ZDHHC24: variants seen among roughly 807,000 people sequenced by gnomAD.
ZDHHC24 encodes zDHHC palmitoyltransferase 24, also known as probable palmitoyltransferase ZDHHC24.
In ZDHHC24, 17 loss-of-function variants were observed where a neutral mutation model predicts 23.2. That is an observed-to-expected ratio of 0.73 (90% confidence interval 0.50 to 1.10). The LOEUF (loss-of-function observed/expected upper bound fraction) is 1.10. ZDHHC24 is among the 50% of genes least tolerant of loss of function. The pLI is 0.00. For synonymous variants in ZDHHC24, 186 were observed against 194.5 expected (o/e 0.96, Z 0.36); for missense variants, 366 against 393.0 (o/e 0.93, Z 0.58).
At chr11:66,524,109 C>T (rs1172678326) in intron 4 of ZDHHC24, 3 of 587,594 alleles carry the variant, frequency 5.1e-6, no homozygotes, top group African/African-American at 1.9e-5. Flanking sequence ...GCATAACCCC[C>T]TTGCTACTAA....
chr11:66,528,316 A>G (rs781764782), intron 3 of ZDHHC24, among the ~76,000 whole-genome samples: 3 of 152,264 alleles, frequency 2.0e-5, no homozygotes, highest in Non-Finnish European at 4.4e-5. Context: ...AGAGTTACCA[A>G]GTTGCAGGAT....
In ZDHHC24 at chr11:66,539,369, C is replaced by CT; in HGVS notation, c.*159dup. The CT allele has an allele frequency of 7.4e-7, 1 of 1,357,146 alleles. No homozygotes were observed. The highest frequency in any genetic ancestry group is 3.4e-5 in the Admixed American group (1 of 29,066). The allele number at this position is 1,357,146 out of a possible 1,614,324, so 84.1% of individuals were successfully genotyped here. A position where few individuals can be genotyped will look rare whatever the true frequency, so the allele number is the denominator to read the frequency against. On this transcript the variant is annotated 3_prime_UTR_variant, in exon 3 of 3. Transcript: ENST00000310442. Reference sequence around the variant, plus strand: ...CTCTGCCTAAGTCACGGCCCAAGCCCTGGACACGTAGGAGTGTAGGCGGGC... The same window carrying CT: ...CTCTGCCTAAGTCACGGCCCAAGCCCTTGGACACGTAGGAGTGTAGGCGGGC...
downstream of ZDHHC24, among the ~76,000 whole-genome samples, chr11:66,535,490 C>G (rs980949351): frequency 6.6e-6 from 1 of 151,882 alleles, no homozygotes; most frequent in Non-Finnish European, 1.5e-5. Context: ...CAGTGCCCAG[C>G]CCCCATTAAT....
chr11:66,531,894 GACC>G (rs1856799460), downstream of ZDHHC24: 1 of 1,574,650 alleles, frequency 6.4e-7, no homozygotes, highest in East Asian at 2.4e-5. Flanking sequence ...GGCCAGCGCA[GACC>G]AGGCAAGGGG....
Position 66,545,667 on chromosome 11 carries a change from C to T in ZDHHC24, c.281+56G>A. 2.1e-6 allele frequency: 3 copies of T among 1,432,580 alleles called. No individual in the cohort carries two copies. The highest frequency in any genetic ancestry group is 5.5e-5 in the East Asian group (2 of 36,312). The allele number at this position is 1,432,580 out of a possible 1,614,324, so 88.7% of individuals were successfully genotyped here. On this transcript the variant is annotated intron_variant, in intron 1 of 2. Coordinates refer to ENST00000310442, the MANE Select transcript of ZDHHC24 (RefSeq NM_207340.3). The surrounding 1 kb of genome is among the most constrained non-coding windows in gnomAD (Gnocchi z 4.5). ...TTCTAACATCTCAGGTCTTGGGGCC[C>T]CTCCCCCCTGTCCAAGGCTCCCACT...
In ZDHHC24 at chr11:66,543,818, C is replaced by T. The variant is rs764684919; in HGVS notation, c.445G>A (p.Val149Ile). Residue 149 changes from valine (V) to isoleucine (I), a missense_variant, in exon 2 of 3, where the codon GTC becomes ATC. Physicochemically the swap from Val to Ile is conservative, Grantham distance 29 (BLOSUM62 3). Transcript: ENST00000310442. ...AGCAGCACAGAGACGTGGAGCAGGA[C>T]GCCGGCGGCATGAAGCAGCAGGCAC... ...FLCLLLHAAG[V>I]LLHVSVLLGP... is the part of the protein sequence containing the mutation. The T allele has an allele frequency of 2.0e-5, 32 of 1,613,602 alleles. 1 individual carries two copies. In the South Asian group the frequency reaches 2.5e-4, roughly 13 times the overall value.
downstream of ZDHHC24, chr11:66,531,765 G>A (rs371550398): frequency 5.6e-6 from 9 of 1,613,874 alleles, no homozygotes; most frequent in Admixed American, 3.3e-5. Flanking sequence ...CTTGTACCAC[G>A]TGGAAGGTGA....
intron 4 of ZDHHC24, chr11:66,526,001 G>A (rs1002879367): frequency 8.6e-6 from 7 of 818,572 alleles, no homozygotes; most frequent in Middle Eastern, 2.2e-4. Context: ...CAGAGGCAGC[G>A]ATTCCCCAGG....
At position 66,545,707 on chromosome 11, in the gene ZDHHC24, C is replaced by T. The variant is rs766977831; in HGVS notation, c.281+16G>A. Reference sequence around the variant, plus strand: ...AGGCTCCCACTTCTCCCCGCCCGATCCCGCACCCCACTCACGCCCAGCCCT... The same window carrying T: ...AGGCTCCCACTTCTCCCCGCCCGATTCCGCACCCCACTCACGCCCAGCCCT... On this transcript the variant is annotated intron_variant, in intron 1 of 2. Coordinates refer to ENST00000310442, the MANE Select transcript of ZDHHC24 (RefSeq NM_207340.3). The surrounding 1 kb of genome is among the most constrained non-coding windows in gnomAD (Gnocchi z 4.5). The T allele has an allele frequency of 7.9e-6, 12 of 1,518,978 alleles. No homozygotes were observed. Among genetic ancestry groups the T allele is most frequent in the South Asian group, 5.0e-5 (4 of 79,224 alleles). 94.1% of individuals were successfully genotyped at this position (1,518,978 alleles called of 1,614,324 possible).
At chr11:66,528,428 T>C (rs986653624) in intron 3 of ZDHHC24, among the ~76,000 whole-genome samples, 4 of 151,904 alleles carry the variant, frequency 2.6e-5, no homozygotes, top group Admixed American at 6.6e-5. Flanking sequence ...CCTAAGAAGA[T>C]TGGGGAAAAT....
intron 2 of ZDHHC24, among the ~76,000 whole-genome samples, chr11:66,540,427 C>CAAA (rs1184182591): frequency 9.5e-5 from 5 of 52,562 alleles, no homozygotes; most frequent in South Asian, 7.6e-4. Context: ...ACTCCCATCT[C>CAAA]AAAAAAAAAA....
intron 1 of ZDHHC24, 86 bp from the exon 2 acceptor site, chr11:66,544,067 G>C (rs560508550): frequency 6.5e-7 from 1 of 1,533,758 alleles, no homozygotes; most frequent in South Asian, 1.2e-5. Context: ...CCCATCCTGC[G>C]GAAGTGGCAA....
intron 4 of ZDHHC24, chr11:66,526,087 A>T (rs770156220): frequency 6.2e-7 from 1 of 1,608,990 alleles, no homozygotes; most frequent in Non-Finnish European, 8.5e-7. Context: ...CCTCTCCAAG[A>T]TATTTCCCCA....
rs1254650672 is a variant in ZDHHC24, at chr11:66,536,911, G to C, written c.*2618C>G. 3 of 151,938 alleles carry C rather than the reference G, an allele frequency of 2.0e-5. No homozygotes were observed. Among genetic ancestry groups the C allele is most frequent in the Non-Finnish European group, 4.4e-5 (3 of 67,988 alleles). The allele number at this position is 151,938 out of a possible 1,614,324, so 9.4% of individuals were successfully genotyped here. On this transcript the variant is annotated 3_prime_UTR_variant, in exon 3 of 3. Transcript: ENST00000310442. ...AGAGAAAGAAAGAAAATAAGAAATT[G>C]TGGAGGGCGAGGGATGAAACAGGAC...
chr11:66,523,671 T>A, intron 4 of ZDHHC24: 2 of 1,610,396 alleles, frequency 1.2e-6, no homozygotes, highest in Non-Finnish European at 8.5e-7. Flanking sequence ...CAGAAACCGT[T>A]CTTTCCACTG....
chr11:66,523,932 C>T (rs1278258647), intron 4 of ZDHHC24: 1 of 1,607,194 alleles, frequency 6.2e-7, no homozygotes, highest in Non-Finnish European at 8.5e-7. Context: ...GCCCTCGTCT[C>T]ACCTCTGGGG....
chr11:66,530,633 G>T (rs1856737291), downstream of ZDHHC24, among the ~76,000 whole-genome samples: 1 of 152,136 alleles, frequency 6.6e-6, no homozygotes, highest in Admixed American at 6.5e-5. Flanking sequence ...GGGGGTGGGG[G>T]TGAGGGGCTC....
At chr11:66,532,288 C>G, downstream of ZDHHC24, 1 of 553,636 alleles carries the variant, frequency 1.8e-6, no homozygotes, top group Non-Finnish European at 3.3e-6. Flanking sequence ...ACGCCCTCCC[C>G]TCCCCAGCCT....
In ZDHHC24 at chr11:66,539,632, G is replaced by T; in HGVS notation, c.752C>A (p.Pro251His). 1 of 1,612,674 alleles carries T rather than the reference G, an allele frequency of 6.2e-7. No homozygotes were observed. Among genetic ancestry groups the T allele is most frequent in the Non-Finnish European group, 8.5e-7 (1 of 1,179,652 alleles). Residue 251 changes from proline (P) to histidine (H), a missense_variant, in exon 3 of 3, where the codon CCC (proline) becomes CAC (histidine). Pro to His is a moderately conservative substitution (Grantham distance 77). Coordinates refer to ENST00000310442, the MANE Select transcript of ZDHHC24 (RefSeq NM_207340.3). ...CCAGAGCCAGACGAGGGCCCAGCGGGGCCCCAGGGCTGCCTGCAGGTTGTG... is the reference window on the plus strand; with the variant it reads ...CCAGAGCCAGACGAGGGCCCAGCGGTGCCCCAGGGCTGCCTGCAGGTTGTG... ...PCHNLQAALG[P>H]RWALVWLWPF...
Sources: allele counts gnomAD v4.1 joint callset (sites outside exome capture counted in the v4.1 genomes callset), GRCh38; gene constraint gnomAD v4.1.1; non-coding constraint Gnocchi (gnomAD v3.1); transcripts MANE v1.5; gene names NCBI Gene and HGNC (gene_info 2026-07-23, HGNC 2026-07-21).